Variants in VPS13D observed in about 807,000 individuals in gnomAD.
VPS13D encodes the protein vacuolar protein sorting 13 homolog D.
A neutral mutation model predicts 461.9 loss-of-function variants in VPS13D; 187 were observed. The observed-to-expected ratio is 0.40, with a 90% confidence interval of 0.36 to 0.46. The LOEUF is 0.46. Ranked by LOEUF, VPS13D falls within the 20% of genes least tolerant of loss-of-function variation. The probability of loss-of-function intolerance (pLI) is 0.60; values close to 1 mark genes in which losing one functional copy is unlikely to be tolerated. For synonymous variants in VPS13D, 1,951 were observed against 1,986.3 expected (o/e 0.98, Z 0.47); for missense variants, 4,711 against 5,364.9 (o/e 0.88, Z 3.81).
In VPS13D at chr1:12,308,415, C is replaced by T; in HGVS notation, c.6440-16C>T. 1 of 1,613,938 alleles carries T rather than the reference C, an allele frequency of 6.2e-7. No homozygotes were observed. The highest frequency in any genetic ancestry group is 8.5e-7 in the Non-Finnish European group (1 of 1,179,908). On this transcript the variant is annotated splice_polypyrimidine_tract_variant and intron_variant, in intron 26 of 69. Transcript: ENST00000620676. The stretch of plus-strand genomic sequence containing the variant: ...CCCCTTTTCTTCATTACCTCTCTTT[C>T]CTTGGGTCCTTGTAGAAGACCATGT...
At chr1:12,234,426 T>C in intron 2 of VPS13D, 63 bp downstream of exon 2, 1 of 1,404,352 alleles carries the variant, frequency 7.1e-7, no homozygotes, top group Non-Finnish European at 1.0e-6. Context: ...GTATTTTTTT[T>C]GTTGTCCTGA....
chr1:12,417,782 T>G (rs1057104927), intron 65 of VPS13D, among the ~76,000 whole-genome samples: 3 of 150,438 alleles, frequency 2.0e-5, no homozygotes, highest in Non-Finnish European at 2.9e-5. Context: ...GAATTTATTC[T>G]TTTTTCCCCA....
chr1:12,242,388 A>G, intron 2 of VPS13D, 125 bp from the exon 3 acceptor site: 1 of 802,928 alleles, frequency 1.2e-6, no homozygotes, highest in Non-Finnish European at 2.0e-6. Context: ...CTTTCCTTTA[A>G]CCTTCACATG....
chr1:12,402,227 C>A (rs897032474), intron 62 of VPS13D, among the ~76,000 whole-genome samples: 10 of 152,190 alleles, frequency 6.6e-5, no homozygotes, highest in African/African-American at 2.4e-4. Context: ...TATTTACTCT[C>A]TTCTTTGTAG....
At chr1:12,406,660 G>T (rs1333398002) in intron 63 of VPS13D, among the ~76,000 whole-genome samples, 1 of 152,192 alleles carries the variant, frequency 6.6e-6, no homozygotes, top group Non-Finnish European at 1.5e-5. Context: ...TTTCACAAAT[G>T]CAGAGACCAA....
chr1:12,309,364 C>T (rs1226689779), intron 27 of VPS13D, among the ~76,000 whole-genome samples: 6 of 151,784 alleles, frequency 4.0e-5, no homozygotes, highest in Non-Finnish European at 8.8e-5. Flanking sequence ...GCGCATGCCA[C>T]CACACCCAGC....
At chr1:12,305,020 G>A (rs1203136834) in intron 26 of VPS13D, among the ~76,000 whole-genome samples, 1 of 152,196 alleles carries the variant, frequency 6.6e-6, no homozygotes, top group East Asian at 1.9e-4. Flanking sequence ...GTTGCCACCA[G>A]ATAGTGATAG....
chr1:12,322,817 C>G, intron 34 of VPS13D, 71 bp downstream of exon 34: 1 of 1,389,528 alleles, frequency 7.2e-7, no homozygotes, highest in East Asian at 2.4e-5. Flanking sequence ...TTAAAATTTT[C>G]TTTTGCACAA....
intron 11 of VPS13D, 65 bp from the exon 12 acceptor site, chr1:12,260,883 A>G: frequency 6.2e-7 from 1 of 1,611,988 alleles, no homozygotes; most frequent in Non-Finnish European, 8.5e-7. Flanking sequence ...GTGGGGAAAC[A>G]GCAGCATATC....
Position 12,348,775 on chromosome 1 carries a change from A to G in VPS13D, c.9070-48A>G, listed in dbSNP as rs28412652. ...TCTGATCGATATTATTGTATTTTAT[A>G]TGTTTTTTCAGAAACATAACTATTT... On this transcript the variant is annotated intron_variant, in intron 44 of 69. Coordinates refer to ENST00000620676, the MANE Select transcript of VPS13D (RefSeq NM_015378.4). 3,161 of 1,602,846 alleles carry G rather than the reference A, an allele frequency of 2.0e-3. 55 individuals carry two copies. In the African/African-American group the frequency reaches 0.036, roughly 18 times the overall value.
chr1:12,313,865 C>G (rs953174815), intron 29 of VPS13D, among the ~76,000 whole-genome samples: 2 of 152,156 alleles, frequency 1.3e-5, no homozygotes, highest in East Asian at 1.9e-4. Flanking sequence ...GGTATTGTTA[C>G]TTCTCATGCC....
chr1:12,253,356 T>C (rs910116095), intron 6 of VPS13D, among the ~76,000 whole-genome samples: 1 of 152,170 alleles, frequency 6.6e-6, no homozygotes, highest in African/African-American at 2.4e-5. Context: ...ACCAACTCCC[T>C]GCTGATACTG....
intron 29 of VPS13D, 57 bp downstream of exon 29, chr1:12,311,982 G>C: frequency 7.0e-7 from 1 of 1,421,850 alleles, no homozygotes; most frequent in Non-Finnish European, 9.7e-7. Context: ...TAATACACAT[G>C]TTTTGCATTG....
At chr1:12,375,793 G>T (rs898890588) in intron 55 of VPS13D, among the ~76,000 whole-genome samples, 1 of 152,190 alleles carries the variant, frequency 6.6e-6, no homozygotes, top group Admixed American at 6.5e-5. Flanking sequence ...CATCGCTTAG[G>T]TGGATGCCTT....
At chr1:12,386,058 A>T in intron 59 of VPS13D, 127 bp from the exon 60 acceptor site, 1 of 1,085,020 alleles carries the variant, frequency 9.2e-7, no homozygotes, top group East Asian at 2.6e-5. Context: ...GGACTCCCCT[A>T]AGTGGTTTTC....
At chr1:12,416,058 G>A (rs1644790119) in intron 64 of VPS13D, among the ~76,000 whole-genome samples, 1 of 152,180 alleles carries the variant, frequency 6.6e-6, no homozygotes, top group Non-Finnish European at 1.5e-5. Context: ...TAGAGGTCTT[G>A]CCTGTAGTCC....
chr1:12,492,534 C>A (rs1298485390), intron 67 of VPS13D, among the ~76,000 whole-genome samples: 7 of 152,218 alleles, frequency 4.6e-5, no homozygotes, highest in South Asian at 2.1e-4. Context: ...ATCGCTAGGG[C>A]CCCTTAAATG....
At chr1:12,508,869 G>C in intron 69 of VPS13D, 24 bp from the exon 70 acceptor site, 1 of 1,610,696 alleles carries the variant, frequency 6.2e-7, no homozygotes, top group Non-Finnish European at 8.5e-7. Flanking sequence ...GGGGACAGGT[G>C]ACCCATCCTG....
intron 2 of VPS13D, among the ~76,000 whole-genome samples, chr1:12,235,158 C>A (rs1008020891): frequency 6.6e-5 from 10 of 152,206 alleles, no homozygotes; most frequent in Non-Finnish European, 1.5e-5. Flanking sequence ...ACTTCAAATA[C>A]AGTGAAACCT....
Sources: gnomAD v4.1 joint callset for allele counts (sites outside exome capture counted in the v4.1 genomes callset) on GRCh38, gnomAD v4.1.1 for gene constraint, MANE v1.5 for transcripts, NCBI Gene and HGNC (gene_info 2026-07-23, HGNC 2026-07-21) for gene names.